HOMER1: variants seen among roughly 807,000 people sequenced by gnomAD.
The protein encoded by HOMER1 is homer protein homolog 1.
In HOMER1, 3 loss-of-function variants were observed where a neutral mutation model predicts 48.9. That is an observed-to-expected ratio of 0.06 (90% CI 0.03 to 0.16). HOMER1 has a LOEUF of 0.16. HOMER1 is among the 10% of genes least tolerant of loss of function. The probability of loss-of-function intolerance (pLI) is 1.00; values close to 1 mark genes in which losing one functional copy is unlikely to be tolerated. For missense variants in HOMER1, 247 were observed against 411.4 expected (o/e 0.60, Z 3.46); for synonymous variants, 134 against 146.4 (o/e 0.92, Z 0.61).
chr5:79,481,015 T>C (rs967940090), intron 1 of HOMER1, among the ~76,000 whole-genome samples: 2 of 152,212 alleles, frequency 1.3e-5, no homozygotes, highest in East Asian at 1.9e-4. Flanking sequence ...TATAAAGCAA[T>C]AGTCTATGTA....
At chr5:79,397,059 T>C (rs1025916753) in intron 7 of HOMER1, among the ~76,000 whole-genome samples, 156 bp from the exon 8 acceptor site, 1 of 152,192 alleles carries the variant, frequency 6.6e-6, no homozygotes, top group Non-Finnish European at 1.5e-5. Context: ...CATCTTTATA[T>C]GTATGTTGTC....
chr5:79,444,124 G>C (rs1433431350), intron 4 of HOMER1, among the ~76,000 whole-genome samples: 1 of 152,076 alleles, frequency 6.6e-6, no homozygotes, highest in Non-Finnish European at 1.5e-5. Context: ...CCAGAGTTAC[G>C]TTACATTCTT....
At chr5:79,463,588 T>C (rs139273256) in intron 1 of HOMER1, among the ~76,000 whole-genome samples, 381 of 152,304 alleles carry the variant, frequency 2.5e-3, no homozygotes, top group African/African-American at 8.8e-3. Context: ...TTTAAAAAAC[T>C]ATGCAAATGA....
At chr5:79,431,797 A>G (rs1409693454) in intron 5 of HOMER1, among the ~76,000 whole-genome samples, 2 of 152,236 alleles carry the variant, frequency 1.3e-5, no homozygotes, top group Non-Finnish European at 2.9e-5. Flanking sequence ...TCTACATTTG[A>G]CACATTCTAC....
At chr5:79,473,129 A>T (rs1386859882) in intron 1 of HOMER1, among the ~76,000 whole-genome samples, 1 of 152,232 alleles carries the variant, frequency 6.6e-6, no homozygotes, top group Non-Finnish European at 1.5e-5. Context: ...CCACCACAGC[A>T]TAAAAGACGA....
chr5:79,474,950 TCAA>T (rs1425631142), intron 1 of HOMER1, among the ~76,000 whole-genome samples: 3 of 152,290 alleles, frequency 2.0e-5, no homozygotes, highest in South Asian at 2.1e-4. Context: ...TACAAATTAC[TCAA>T]CAACAACTTC....
chr5:79,472,363 A>G (rs1187945031), intron 1 of HOMER1, among the ~76,000 whole-genome samples: 2 of 152,238 alleles, frequency 1.3e-5, no homozygotes, highest in Non-Finnish European at 2.9e-5. Flanking sequence ...ATACACAGCT[A>G]GTGGAATATT....
chr5:79,462,221 A>C (rs913646880), intron 1 of HOMER1, among the ~76,000 whole-genome samples: 3 of 152,286 alleles, frequency 2.0e-5, no homozygotes, highest in South Asian at 2.1e-4. Context: ...AACAAACAAA[A>C]AAACCAGAAA....
At chr5:79,450,321 T>A (rs2112292469) in intron 3 of HOMER1, among the ~76,000 whole-genome samples, 1 of 152,338 alleles carries the variant, frequency 6.6e-6, no homozygotes, top group Admixed American at 6.5e-5. Context: ...TATATTCTTT[T>A]CTGTGTAACA....
chr5:79,465,897 T>C (rs939582897), intron 1 of HOMER1, among the ~76,000 whole-genome samples: 4 of 152,158 alleles, frequency 2.6e-5, no homozygotes, highest in Admixed American at 2.0e-4. Flanking sequence ...ACATTTCTTA[T>C]ATGTCACCTC....
chr5:79,426,906 ACCC>A (rs959080678), intron 5 of HOMER1, among the ~76,000 whole-genome samples: 13 of 152,148 alleles, frequency 8.5e-5, no homozygotes, highest in African/African-American at 3.1e-4. Context: ...TATCACATGT[ACCC>A]CAATAAATAT....
At chr5:79,456,049 G>A (rs1161010444) in intron 2 of HOMER1, among the ~76,000 whole-genome samples, 1 of 151,854 alleles carries the variant, frequency 6.6e-6, no homozygotes, top group African/African-American at 2.4e-5. Flanking sequence ...CAGCTACTGG[G>A]GAGGCTGAGG....
chr5:79,449,952 A>G (rs1203811936), intron 3 of HOMER1, among the ~76,000 whole-genome samples: 3 of 151,326 alleles, frequency 2.0e-5, no homozygotes, highest in Admixed American at 1.3e-4. Flanking sequence ...TTCAATATAT[A>G]TTCATAAAAG....
intron 8 of HOMER1, among the ~76,000 whole-genome samples, chr5:79,387,653 TCTATGTA>T (rs1432412336): frequency 1.3e-5 from 2 of 152,204 alleles, no homozygotes; most frequent in Non-Finnish European, 1.5e-5. Context: ...AATTACATTT[TCTATGTA>T]CTAGGCATTG....
At chr5:79,445,350 A>T (rs34836936) in intron 4 of HOMER1, among the ~76,000 whole-genome samples, 32,316 of 152,090 alleles carry the variant, frequency 0.21, 3,781 homozygotes, top group East Asian at 0.37. Context: ...CAATTAAAAT[A>T]AAAATTAATT....
chr5:79,386,064 T>A (rs1024647677), intron 8 of HOMER1, among the ~76,000 whole-genome samples: 1 of 151,770 alleles, frequency 6.6e-6, no homozygotes. Flanking sequence ...ATTTTTTTTT[T>A]AAAACTAAAA....
At position 79,373,638 on chromosome 5, in the gene HOMER1, TAAG is replaced by T. The variant is rs535680177; in HGVS notation, c.*2368_*2370del. ...ACTGTAAATGAATAGTTAAAAGTCT[TAAG>T]AAGATTTTATTTATATGTGCACTTG... is the stretch of plus-strand genomic sequence containing the variant. On this transcript the variant is annotated 3_prime_UTR_variant, in exon 9 of 9. Transcript: ENST00000334082. 385 of 152,114 alleles carry T rather than the reference TAAG, an allele frequency of 2.5e-3. No individual in the cohort carries two copies. Among genetic ancestry groups the T allele is most frequent in the African/African-American group, 8.9e-3 (369 of 41,548 alleles). The allele number at this position is 152,114 out of a possible 1,614,324, so 9.4% of individuals were successfully genotyped here. A position where few individuals can be genotyped will look rare whatever the true frequency, so the allele number is the denominator to read the frequency against.
At chr5:79,503,023 G>A (rs964776419) in intron 1 of HOMER1, among the ~76,000 whole-genome samples, 6 of 152,134 alleles carry the variant, frequency 3.9e-5, no homozygotes, top group Admixed American at 1.3e-4. Flanking sequence ...ATCTGACCTC[G>A]TGATCTGCCC....
At chr5:79,457,989 T>G (rs544099536) in intron 1 of HOMER1, among the ~76,000 whole-genome samples, 13 of 152,310 alleles carry the variant, frequency 8.5e-5, no homozygotes, top group African/African-American at 3.1e-4. Context: ...GGTAAAGAAC[T>G]TACTGGGAAA....
Sources: gnomAD v4.1 joint callset for allele counts (sites outside exome capture counted in the v4.1 genomes callset) on GRCh38, gnomAD v4.1.1 for gene constraint, MANE v1.5 for transcripts, NCBI Gene and HGNC (gene_info 2026-07-23, HGNC 2026-07-21) for gene names.